The following PPP2R5C variants were observed in gnomAD, a reference collection of about 807,000 sequenced individuals.
The protein encoded by PPP2R5C is serine/threonine-protein phosphatase 2A 56 kDa regulatory subunit gamma isoform.
A neutral mutation model predicts 68.9 loss-of-function variants in PPP2R5C; 7 were observed. The ratio of observed to expected loss-of-function variants is 0.10; its 90% CI spans 0.06 to 0.19. The LOEUF is 0.19. PPP2R5C is among the 10% of genes least tolerant of loss of function. The pLI is 1.00. For synonymous variants in PPP2R5C, 210 were observed against 222.2 expected, an observed-to-expected ratio of 0.95 and a Z score of 0.49; for missense variants, 348 against 641.3, an observed-to-expected ratio of 0.54 and a Z score of 4.94.
intron 11 of PPP2R5C, among the ~76,000 whole-genome samples, chr14:101,911,240 C>T (rs1261251936): frequency 6.6e-6 from 1 of 152,222 alleles, no homozygotes; most frequent in Non-Finnish European, 1.5e-5. Flanking sequence ...CGCCACTGCA[C>T]TCCAGCCTGG....
chr14:101,904,154 G>A (rs1266747091), intron 9 of PPP2R5C, among the ~76,000 whole-genome samples: 1 of 152,102 alleles, frequency 6.6e-6, no homozygotes, highest in African/African-American at 2.4e-5. Context: ...GGATGGTTTT[G>A]TTTTTGGTTT....
At chr14:101,863,301 GCTT>G (rs1401379532) in intron 2 of PPP2R5C, among the ~76,000 whole-genome samples, 1 of 145,204 alleles carries the variant, frequency 6.9e-6, no homozygotes, top group Non-Finnish European at 1.5e-5. Context: ...GAGTGAGACT[GCTT>G]CTCAAAAAAA....
chr14:101,849,507 ATTC>A (rs35704197), intron 1 of PPP2R5C, among the ~76,000 whole-genome samples: 34,279 of 151,440 alleles, frequency 0.23, 3,726 homozygotes, highest in African/African-American at 0.26. Flanking sequence ...ACTTTTTCCT[ATTC>A]TTCTATTTGT....
At chr14:101,786,040 G>A (rs2038075902) in exon 3 of PPP2R5C, 4 of 1,533,640 alleles carry the variant, frequency 2.6e-6, no homozygotes, top group South Asian at 1.2e-5. Context: ...AGGAAAAACA[G>A]CCTTGTTGCT....
At chr14:101,922,903 G>C (rs56701068) in intron 13 of PPP2R5C, among the ~76,000 whole-genome samples, 29,745 of 152,148 alleles carry the variant, frequency 0.2, 4,703 homozygotes, top group African/African-American at 0.43. Flanking sequence ...AAAGTTTGAA[G>C]TTACACCTTT....
chr14:101,832,845 T>C (rs4906148), intron 1 of PPP2R5C, among the ~76,000 whole-genome samples: 33,894 of 152,090 alleles, frequency 0.22, 4,246 homozygotes, highest in African/African-American at 0.34. Context: ...CTCTGCATGC[T>C]CTTCTGCATT....
chr14:101,894,610 T>G, intron 8 of PPP2R5C, 50 bp downstream of exon 10: 1 of 1,530,412 alleles, frequency 6.5e-7, no homozygotes, highest in Non-Finnish European at 9.0e-7. Context: ...TTTCACTAAA[T>G]GTAAATATTA....
intron 1 of PPP2R5C, among the ~76,000 whole-genome samples, chr14:101,814,119 A>C (rs1381465463): frequency 6.6e-6 from 1 of 152,254 alleles, no homozygotes; most frequent in African/African-American, 2.4e-5. Context: ...ACTAGTGAGA[A>C]TGGGTGCCCC....
At chr14:101,893,961 G>A (rs1454534403) in intron 7 of PPP2R5C, among the ~76,000 whole-genome samples, 1 of 152,226 alleles carries the variant, frequency 6.6e-6, no homozygotes, top group East Asian at 1.9e-4. Flanking sequence ...CCCCAGCACA[G>A]GCACAGGGGT....
intron 1 of PPP2R5C, among the ~76,000 whole-genome samples, chr14:101,762,373 G>A (rs916273900): frequency 3.9e-5 from 6 of 152,150 alleles, no homozygotes; most frequent in East Asian, 3.9e-4. Flanking sequence ...GAAAGGGAGC[G>A]AGAAGGGACC....
chr14:101,848,732 C>T (rs775755163), intron 1 of PPP2R5C, among the ~76,000 whole-genome samples: 2 of 152,158 alleles, frequency 1.3e-5, no homozygotes, highest in South Asian at 2.1e-4. Flanking sequence ...TTGGCAACAG[C>T]GGGAGTTGGG....
At chr14:101,831,791 AT>A in intron 1 of PPP2R5C, 1 of 702,152 alleles carries the variant, frequency 1.4e-6, no homozygotes, top group Non-Finnish European at 2.6e-6. Flanking sequence ...GGACTTGAAT[AT>A]GCGTGGATTT....
chr14:101,901,983 T>G lies in PPP2R5C; in HGVS notation c.1023+94T>G, dbSNP rs146202162. 12 of 1,409,196 alleles carry G rather than the reference T, an allele frequency of 8.5e-6. No individual in the cohort carries two copies. The East Asian group carries it at 2.3e-4, about 27-fold the overall frequency. 87.3% of individuals were successfully genotyped at this position (1,409,196 alleles called of 1,614,324 possible). On this transcript the variant is annotated intron_variant, in intron 9 of 13. Coordinates refer to ENST00000334743, the Ensembl canonical transcript of PPP2R5C. ...GTAGCTGGCCATGCTTTGCCTCTCA[T>G]GCAATTTAAAGGTAAAATCCAAGTT...
chr14:101,780,557 G>A (rs1304758302), intron 2 of PPP2R5C, among the ~76,000 whole-genome samples: 3 of 152,108 alleles, frequency 2.0e-5, no homozygotes, highest in Non-Finnish European at 2.9e-5. Context: ...TCGACTGCCC[G>A]GTGCTGCGGG....
chr14:101,852,339 A>G (rs567950420), intron 1 of PPP2R5C, among the ~76,000 whole-genome samples: 1 of 152,202 alleles, frequency 6.6e-6, no homozygotes, highest in Non-Finnish European at 1.5e-5. Context: ...GAATGCTCCC[A>G]GCCTACTTTA....
At chr14:101,878,637 C>T (rs977592513) in intron 2 of PPP2R5C, among the ~76,000 whole-genome samples, 9 of 152,146 alleles carry the variant, frequency 5.9e-5, no homozygotes, top group East Asian at 1.9e-4. Context: ...GTCTGGACTC[C>T]GTGGACAGGC....
chr14:101,894,955 C>T (rs1481369359), intron 8 of PPP2R5C, among the ~76,000 whole-genome samples: 1 of 152,152 alleles, frequency 6.6e-6, no homozygotes, highest in Non-Finnish European at 1.5e-5. Flanking sequence ...TATTGTTGTA[C>T]TAAAGAGGCT....
intron 1 of PPP2R5C, among the ~76,000 whole-genome samples, chr14:101,833,049 A>G (rs554147004): frequency 6.6e-6 from 1 of 152,366 alleles, no homozygotes; most frequent in South Asian, 2.1e-4. Context: ...TCATGTCCAC[A>G]CTGGCAGTGA....
chr14:101,790,951 T>A (rs8019046), intron 3 of PPP2R5C, among the ~76,000 whole-genome samples: 1,819 of 152,148 alleles, frequency 0.012, 28 homozygotes, highest in African/African-American at 0.041. Context: ...ATGGTGGCAC[T>A]CGCTTGTAGC....
Sources: allele counts gnomAD v4.1 joint callset (sites outside exome capture counted in the v4.1 genomes callset), GRCh38; gene constraint gnomAD v4.1.1; transcripts MANE v1.5; gene names NCBI Gene and HGNC (gene_info 2026-07-23, HGNC 2026-07-21).